UBR7: variants seen among roughly 807,000 people sequenced by gnomAD.
The protein encoded by UBR7 is putative E3 ubiquitin-protein ligase UBR7.
UBR7 carries 22 observed loss-of-function variants against 57.0 expected under a neutral mutation model. That is an observed-to-expected ratio of 0.39 (90% CI 0.28 to 0.55). The LOEUF (loss-of-function observed/expected upper bound fraction) is 0.55, where lower values mean the gene tolerates loss of function less well. Among genes scored for constraint, UBR7 ranks in the 20% least tolerant of loss-of-function variants. The pLI is 0.69. For missense variants in UBR7, 395 were observed against 513.2 expected, an observed-to-expected ratio of 0.77 and a Z score of 2.23; for synonymous variants, 167 against 179.8, an observed-to-expected ratio of 0.93 and a Z score of 0.57.
At chr14:93,222,466 G>T in intron 10 of UBR7, 92 bp downstream of exon 10, 2 of 973,214 alleles carry the variant, frequency 2.1e-6, no homozygotes, top group East Asian at 2.5e-5. Context: ...TGCGACTGGC[G>T]GGGTGCGGTG....
intron 1 of UBR7, among the ~76,000 whole-genome samples, chr14:93,208,223 G>T (rs150765376): frequency 6.6e-6 from 1 of 152,232 alleles, no homozygotes; most frequent in African/African-American, 2.4e-5. Context: ...CAAAGGATGA[G>T]AATTGGTAGG....
intron 10 of UBR7, chr14:93,224,148 C>T (rs1337650278): frequency 1.5e-6 from 1 of 656,114 alleles, no homozygotes; most frequent in African/African-American, 1.8e-5. Context: ...ATGGCGTCCT[C>T]TCCGCGCTCG....
rs1595269880 is a variant in UBR7, at chr14:93,222,229, C to T, written c.1124-84C>T. ...TTATTTAGACTACATTATTAACAGACTCAGGTGTCAATGGCAAAGAATATT... is the reference window on the plus strand; with the variant it reads ...TTATTTAGACTACATTATTAACAGATTCAGGTGTCAATGGCAAAGAATATT... On this transcript the variant is annotated intron_variant, in intron 9 of 10. Coordinates refer to ENST00000013070, the MANE Select transcript of UBR7 (RefSeq NM_175748.4). 6.5e-6 allele frequency: 6 copies of T among 921,406 alleles called. No homozygotes were observed. In the East Asian group the frequency reaches 1.5e-4, roughly 23 times the overall value. 57.1% of individuals were successfully genotyped at this position (921,406 alleles called of 1,614,324 possible).
chr14:93,207,324 G>A lies in UBR7; in HGVS notation c.33G>A (p.Gln11=). ...GAGCCGAGGGCGCCGCTGGGCGGCA[G>A]TCGGAGCTGGAGCCCGTGGTATCGT... MAGAEGAAGR[Q]SELEPVVSLV... The change falls in exon 1 of 11, where the codon CAG becomes CAA. Residue 11 remains glutamine, a synonymous_variant. Transcript: ENST00000013070. The A allele has an allele frequency of 2.6e-6, 4 of 1,558,618 alleles. No homozygotes were observed. The highest frequency in any genetic ancestry group is 3.5e-6 in the Non-Finnish European group (4 of 1,150,922).
chr14:93,223,974 T>C, intron 10 of UBR7: 1 of 746,610 alleles, frequency 1.3e-6, no homozygotes, highest in East Asian at 2.5e-5. Flanking sequence ...GAAGACTTCT[T>C]CATCTTTTTT....
intron 9 of UBR7, 123 bp from the exon 10 acceptor site, chr14:93,222,190 A>C: frequency 1.4e-6 from 1 of 714,826 alleles, no homozygotes; most frequent in Admixed American, 2.2e-5. Context: ...TGCAGCTTTC[A>C]CTTAAGAAAA....
chr14:93,208,120 G>C (rs1255411602), intron 1 of UBR7, among the ~76,000 whole-genome samples: 1 of 152,114 alleles, frequency 6.6e-6, no homozygotes, highest in African/African-American at 2.4e-5. Flanking sequence ...TTGTGAGTGA[G>C]CAAGTGTTTG....
At chr14:93,224,158 G>T in intron 10 of UBR7, 1 of 613,266 alleles carries the variant, frequency 1.6e-6, no homozygotes, top group Non-Finnish European at 2.9e-6. Context: ...CTCCGCGCTC[G>T]CCACCACCCG....
At chr14:93,219,741 A>C (rs1435265391) in intron 8 of UBR7, among the ~76,000 whole-genome samples, 3 of 152,226 alleles carry the variant, frequency 2.0e-5, no homozygotes, top group Non-Finnish European at 4.4e-5. Context: ...TGGGAGGCCA[A>C]GTTAGGTCTC....
At chr14:93,215,112 A>G (rs1894563535) in intron 5 of UBR7, 64 bp from the exon 6 acceptor site, 1 of 1,475,850 alleles carries the variant, frequency 6.8e-7, no homozygotes, top group African/African-American at 1.4e-5. Context: ...AGTATTTATA[A>G]AATAATGGGC....
At chr14:93,212,518 T>G (rs2140099365) in intron 4 of UBR7, among the ~76,000 whole-genome samples, 1 of 152,320 alleles carries the variant, frequency 6.6e-6, no homozygotes, top group South Asian at 2.1e-4. Flanking sequence ...TATGCAAAAT[T>G]CAAAACGAGT....
chr14:93,220,263 T>A lies in UBR7; in HGVS notation c.975T>A (p.Asp325Glu). 7.5e-6 allele frequency: 12 copies of A among 1,606,940 alleles called. No homozygotes were observed. The highest frequency in any genetic ancestry group is 1.0e-5 in the Non-Finnish European group (12 of 1,177,302). The change falls in exon 9 of 11, where the codon GAT becomes GAA. Residue 325 changes from aspartate to glutamate, a missense_variant. By Grantham distance (45) the Asp-to-Glu change is conservative. Transcript: ENST00000013070. ...TCQDCMKMYG[D>E]LDVLFLTDEY... Reference sequence around the variant, plus strand: ...TTTCCCTAAAGAAAATGTATGGAGATCTAGATGTCTTATTCCTGACAGATG... The same window carrying A: ...TTTCCCTAAAGAAAATGTATGGAGAACTAGATGTCTTATTCCTGACAGATG...
At chr14:93,211,935 A>G in intron 3 of UBR7, 97 bp from the exon 4 acceptor site, 2 of 971,280 alleles carry the variant, frequency 2.1e-6, no homozygotes. Context: ...CTTGGGGGAA[A>G]TAATGTGGAA....
intron 1 of UBR7, 112 bp downstream of exon 1, chr14:93,207,553 G>C: frequency 7.2e-7 from 1 of 1,385,068 alleles, no homozygotes; most frequent in Admixed American, 3.0e-5. Context: ...TGGTGGTCCG[G>C]GGCCGCCGTT....
chr14:93,209,698 A>T, intron 1 of UBR7, 126 bp from the exon 2 acceptor site: 1 of 1,278,852 alleles, frequency 7.8e-7, no homozygotes, highest in Non-Finnish European at 1.1e-6. Context: ...TTTTAGTCTT[A>T]ATGGTTTTTA....
Position 93,218,746 on chromosome 14 carries a change from A to C in UBR7, c.810+11A>C, listed in dbSNP as rs1411469192. On this transcript the variant is annotated intron_variant, in intron 7 of 10. Coordinates refer to ENST00000013070, the MANE Select transcript of UBR7 (RefSeq NM_175748.4). ...GAATCTGATCTCCAGGTAATGTGTG[A>C]AGTACGAGCCATCAAGAAATAAGAC... is the stretch of plus-strand genomic sequence containing the variant. The C allele has an allele frequency of 1.2e-6, 2 of 1,611,336 alleles. No individual in the cohort carries two copies. Among genetic ancestry groups the C allele is most frequent in the Non-Finnish European group, 1.7e-6 (2 of 1,177,848 alleles).
intron 10 of UBR7, among the ~76,000 whole-genome samples, chr14:93,225,553 A>G (rs1340649029): frequency 6.6e-6 from 1 of 151,904 alleles, no homozygotes. Flanking sequence ...GGATCGCTTG[A>G]GCCCAGGAAT....
At chr14:93,220,106 G>A in intron 8 of UBR7, 143 bp from the exon 9 acceptor site, 1 of 788,022 alleles carries the variant, frequency 1.3e-6, no homozygotes, top group Non-Finnish European at 2.0e-6. Context: ...GCAATTCTGT[G>A]TTAAAGACGC....
chr14:93,210,537 A>C (rs992024300), intron 2 of UBR7, 111 bp from the exon 3 acceptor site: 14 of 868,150 alleles, frequency 1.6e-5, no homozygotes, highest in Non-Finnish European at 2.2e-5. Flanking sequence ...GCTTTTGTAC[A>C]TATTAATTTC....
Sources: gnomAD v4.1 joint callset for allele counts (sites outside exome capture counted in the v4.1 genomes callset) on GRCh38, gnomAD v4.1.1 for gene constraint, MANE v1.5 for transcripts, NCBI Gene and HGNC (gene_info 2026-07-23, HGNC 2026-07-21) for gene names.